The following NPAS3 variants were observed in gnomAD, a reference collection of about 807,000 sequenced individuals.
NPAS3 encodes neuronal PAS domain-containing protein 3.
Under a neutral mutation model 73.1 loss-of-function variants are expected in NPAS3, and 14 were observed. That is an observed-to-expected ratio of 0.19 (90% CI 0.13 to 0.30). NPAS3 has a LOEUF of 0.30. Ranked by LOEUF, NPAS3 falls within the 10% of genes least tolerant of loss-of-function variation. NPAS3 has a pLI of 1.00. For synonymous variants in NPAS3, 620 were observed against 541.5 expected (o/e 1.14, Z -2.01); for missense variants, 1,096 against 1,250.0 (o/e 0.88, Z 1.86).
intron 1 of NPAS3, among the ~76,000 whole-genome samples, chr14:32,953,798 G>T (rs2036575991): frequency 6.6e-6 from 1 of 152,150 alleles, no homozygotes; most frequent in South Asian, 2.1e-4. Context: ...GCAGTAGGTT[G>T]TGTTACAAGA....
chr14:33,657,497 G>A (rs1037264460), intron 5 of NPAS3, among the ~76,000 whole-genome samples: 1 of 152,188 alleles, frequency 6.6e-6, no homozygotes, highest in Non-Finnish European at 1.5e-5. Context: ...GTTCCTGGAA[G>A]AAGTCATTTC....
At chr14:33,227,780 A>G (rs1174068425) in intron 3 of NPAS3, among the ~76,000 whole-genome samples, 3 of 152,214 alleles carry the variant, frequency 2.0e-5, no homozygotes, top group Non-Finnish European at 4.4e-5. Context: ...AAGGAGTTCT[A>G]ACAACCTGTA....
chr14:33,293,273 T>G (rs1566766726), intron 3 of NPAS3, among the ~76,000 whole-genome samples: 4 of 152,258 alleles, frequency 2.6e-5, no homozygotes, highest in Admixed American at 6.5e-5. Flanking sequence ...TTTGAAGGTA[T>G]GGAAAGAGTT....
chr14:33,704,168 G>C (rs553748130), intron 6 of NPAS3, among the ~76,000 whole-genome samples: 20 of 152,284 alleles, frequency 1.3e-4, no homozygotes, highest in African/African-American at 4.8e-4. Flanking sequence ...GTGAAATCTA[G>C]AGAATTTTTA....
intron 4 of NPAS3, among the ~76,000 whole-genome samples, chr14:33,496,436 A>C (rs1230687956): frequency 2.6e-5 from 4 of 152,092 alleles, no homozygotes; most frequent in Admixed American, 2.6e-4. Context: ...GATGAACATC[A>C]ATGCAAAAAT....
intron 4 of NPAS3, among the ~76,000 whole-genome samples, chr14:33,430,677 A>G (rs2048747357): frequency 6.6e-6 from 1 of 152,226 alleles, no homozygotes; most frequent in South Asian, 2.1e-4. Context: ...CTCCTCAGAC[A>G]CTAACGTGAG....
intron 3 of NPAS3, among the ~76,000 whole-genome samples, chr14:33,269,015 C>T (rs1023410721): frequency 2.0e-5 from 3 of 152,112 alleles, no homozygotes; most frequent in African/African-American, 7.2e-5. Context: ...GGTAAAGCTG[C>T]GATCTAGTGC....
At chr14:33,700,386 C>A (rs1316572138) in intron 6 of NPAS3, among the ~76,000 whole-genome samples, 1 of 152,036 alleles carries the variant, frequency 6.6e-6, no homozygotes, top group Non-Finnish European at 1.5e-5. Flanking sequence ...AAATGGGGAG[C>A]GAAAATATGC....
In NPAS3 at chr14:33,455,329, GT is replaced by G. The variant is rs1024458760; in HGVS notation, c.468+88064del. Among the ~76,000 whole-genome samples the G allele has an allele frequency of 5.3e-5, 8 of 152,294 alleles. No individual in the cohort carries two copies. In the East Asian group the frequency reaches 7.7e-4, roughly 15 times the overall value. On this transcript the variant is annotated intron_variant, in intron 4 of 11. Transcript: ENST00000356141. ...TTTTGGGGGGTGGGTAGAAGCCAAAGTTTGTTATGAATTTAAAACTTTGCTA... is the reference window on the plus strand; with the variant it reads ...TTTTGGGGGGTGGGTAGAAGCCAAAGTTGTTATGAATTTAAAACTTTGCTA...
chr14:33,359,296 A>G (rs1037224364), intron 3 of NPAS3, among the ~76,000 whole-genome samples: 7 of 152,240 alleles, frequency 4.6e-5, no homozygotes, highest in African/African-American at 1.7e-4. Context: ...TGAATGGAGC[A>G]TTAGACTGGA....
chr14:33,569,776 TC>T (rs1338296865), intron 5 of NPAS3, among the ~76,000 whole-genome samples: 4 of 152,220 alleles, frequency 2.6e-5, no homozygotes, highest in African/African-American at 9.7e-5. Context: ...CTGGCTAAAG[TC>T]CCTAATTGTT....
intron 4 of NPAS3, among the ~76,000 whole-genome samples, chr14:33,472,032 C>T (rs1425470891): frequency 6.6e-6 from 1 of 152,232 alleles, no homozygotes; most frequent in African/African-American, 2.4e-5. Flanking sequence ...GTCTCCCTCT[C>T]TGCCCTCATG....
intron 1 of NPAS3, among the ~76,000 whole-genome samples, chr14:32,989,621 G>A (rs2038241063): frequency 6.6e-6 from 1 of 151,988 alleles, no homozygotes; most frequent in African/African-American, 2.4e-5. Context: ...CTCCAGCCTG[G>A]GCGACAGCGA....
At chr14:33,378,757 C>G (rs1044403715) in intron 4 of NPAS3, among the ~76,000 whole-genome samples, 12 of 152,122 alleles carry the variant, frequency 7.9e-5, no homozygotes, top group African/African-American at 2.2e-4. Context: ...GGAGAAAAAC[C>G]CAGTGATTTC....
intron 9 of NPAS3, chr14:33,780,719 G>A (rs2062953619): frequency 4.7e-6 from 2 of 428,308 alleles, no homozygotes; most frequent in Non-Finnish European, 9.2e-6. Context: ...TATGTTTGAT[G>A]CCTTTCTTTC....
At chr14:33,240,231 G>A (rs2048171193) in intron 3 of NPAS3, among the ~76,000 whole-genome samples, 2 of 151,830 alleles carry the variant, frequency 1.3e-5, no homozygotes, top group South Asian at 2.1e-4. Flanking sequence ...TACAAAGCTG[G>A]AGCCCTTTGC....
chr14:33,170,528 G>C (rs1034466787), intron 2 of NPAS3, among the ~76,000 whole-genome samples: 12 of 152,182 alleles, frequency 7.9e-5, no homozygotes, highest in African/African-American at 2.7e-4. Context: ...TCTAGCATGT[G>C]ATGCCATGTG....
chr14:33,753,939 C>T (rs1235320024), intron 7 of NPAS3, among the ~76,000 whole-genome samples: 5 of 152,132 alleles, frequency 3.3e-5, no homozygotes, highest in African/African-American at 1.2e-4. Flanking sequence ...ACCCTCAGCA[C>T]AGAAGAAGCT....
At chr14:33,034,564 A>G (rs2040100062) in intron 1 of NPAS3, among the ~76,000 whole-genome samples, 1 of 151,900 alleles carries the variant, frequency 6.6e-6, no homozygotes, top group East Asian at 1.9e-4. Flanking sequence ...TAGGTATTTA[A>G]AATGAAAGTG....
Sources: allele counts gnomAD v4.1 joint callset (sites outside exome capture counted in the v4.1 genomes callset), GRCh38; gene constraint gnomAD v4.1.1; transcripts MANE v1.5; gene names NCBI Gene and HGNC (gene_info 2026-07-23, HGNC 2026-07-21).